The following CDH12 variants were observed in gnomAD, a reference collection of about 807,000 sequenced individuals.
CDH12 encodes cadherin 12, also known as cadherin-12.
A neutral mutation model predicts 74.1 loss-of-function variants in CDH12; 41 were observed. The ratio of observed to expected loss-of-function variants is 0.55; its 90% CI spans 0.43 to 0.72. CDH12 has a LOEUF of 0.72. Among genes scored for constraint, CDH12 ranks in the 30% least tolerant of loss-of-function variants. The pLI, the probability that CDH12 is intolerant of heterozygous loss-of-function variation, is 0.00. For synonymous variants in CDH12, 399 were observed against 355.0 expected, an observed-to-expected ratio of 1.12 and a Z score of -1.39; for missense variants, 945 against 977.2, an observed-to-expected ratio of 0.97 and a Z score of 0.44.
At chr5:22,482,135 A>C (rs920363435) in intron 2 of CDH12, among the ~76,000 whole-genome samples, 32 of 152,312 alleles carry the variant, frequency 2.1e-4, no homozygotes, top group African/African-American at 7.7e-4. Context: ...GAAAGAACCC[A>C]TGAACGTTAA....
intron 10 of CDH12, among the ~76,000 whole-genome samples, chr5:21,783,697 C>T (rs1746044103): frequency 6.6e-6 from 1 of 152,058 alleles, no homozygotes; most frequent in African/African-American, 2.4e-5. Context: ...ATTTAGTACT[C>T]CTGCTGTTCA....
At chr5:22,738,221 C>T (rs917116150) in intron 1 of CDH12, among the ~76,000 whole-genome samples, 3 of 151,964 alleles carry the variant, frequency 2.0e-5, no homozygotes, top group Admixed American at 6.6e-5. Flanking sequence ...GTGGAGCAGA[C>T]GTTACATTAT....
chr5:22,843,676 A>G (rs1737176748), intron 1 of CDH12, among the ~76,000 whole-genome samples: 1 of 151,456 alleles, frequency 6.6e-6, no homozygotes, highest in Non-Finnish European at 1.5e-5. Context: ...TAAACATGAA[A>G]TGTGAAGGCA....
chr5:22,673,110 C>T (rs1056466268), intron 1 of CDH12, among the ~76,000 whole-genome samples: 1 of 151,994 alleles, frequency 6.6e-6, no homozygotes, highest in Non-Finnish European at 1.5e-5. Flanking sequence ...ATTGTGATAC[C>T]TCCAGTCTTT....
At chr5:21,815,740 C>G (rs186014684) in intron 9 of CDH12, among the ~76,000 whole-genome samples, 2 of 152,262 alleles carry the variant, frequency 1.3e-5, no homozygotes, top group Non-Finnish European at 2.9e-5. Flanking sequence ...AGAGCTTACA[C>G]GCATCAGTAT....
chr5:21,872,790 CT>C (rs1751698117), intron 6 of CDH12, among the ~76,000 whole-genome samples: 2 of 103,908 alleles, frequency 1.9e-5, no homozygotes, highest in African/African-American at 9.3e-5. Flanking sequence ...TAAGATCTAT[CT>C]ATCTATCTAT....
chr5:21,898,325 G>A (rs1753219498), intron 6 of CDH12, among the ~76,000 whole-genome samples: 2 of 152,166 alleles, frequency 1.3e-5, no homozygotes. Context: ...CTGGTCTCAA[G>A]TGATTCCCCT....
rs570715936 is a variant in CDH12, at chr5:22,027,755, C to CA, written c.231+50690dup. On this transcript the variant is annotated intron_variant, in intron 5 of 14. Transcript: ENST00000382254. ...GGTCTATTAATTTTGTTGATCCTTT[C>CA]AAAAAACCAGCTCCTGGATTCGTTA... Among the ~76,000 whole-genome samples the CA allele has an allele frequency of 3.5e-3, 531 of 152,098 alleles. 1 individual carries two copies. Among genetic ancestry groups the CA allele is most frequent in the African/African-American group, 0.012 (516 of 41,484 alleles).
intron 3 of CDH12, among the ~76,000 whole-genome samples, chr5:22,273,852 T>C (rs1736510860): frequency 6.6e-6 from 1 of 152,118 alleles, no homozygotes; most frequent in Non-Finnish European, 1.5e-5. Context: ...ACTTAAAACG[T>C]GCAAAAACAG....
At chr5:21,984,618 T>G (rs1028253520) in intron 5 of CDH12, among the ~76,000 whole-genome samples, 1 of 152,154 alleles carries the variant, frequency 6.6e-6, no homozygotes, top group Non-Finnish European at 1.5e-5. Context: ...TGCCACTCCC[T>G]CCCATCAGAA....
chr5:22,749,286 A>G lies in CDH12; in HGVS notation c.-523+103772T>C, dbSNP rs2127031242. Reference sequence around the variant, plus strand: ...CTGTCTGAAGCGCAGGTGAGAAATGAGTCTGAAAGGGACATATGGTCCCAA... The same window carrying G: ...CTGTCTGAAGCGCAGGTGAGAAATGGGTCTGAAAGGGACATATGGTCCCAA... On this transcript the variant is annotated intron_variant, in intron 1 of 14. Coordinates refer to ENST00000382254, the MANE Select transcript of CDH12 (RefSeq NM_004061.5). Among the ~76,000 whole-genome samples the G allele has an allele frequency of 2.0e-5, 3 of 152,362 alleles. No homozygotes were observed. The South Asian group carries it at 6.2e-4, about 32-fold the overall frequency.
At chr5:21,951,219 C>A (rs1003771892) in intron 6 of CDH12, among the ~76,000 whole-genome samples, 6 of 152,006 alleles carry the variant, frequency 3.9e-5, no homozygotes, top group African/African-American at 1.4e-4. Flanking sequence ...GAAATAGCCA[C>A]AATCATTTCT....
chr5:22,849,066 C>A (rs1737433942), intron 1 of CDH12, among the ~76,000 whole-genome samples: 1 of 152,010 alleles, frequency 6.6e-6, no homozygotes, highest in Non-Finnish European at 1.5e-5. Context: ...AAACCCTGGA[C>A]ATTACATATT....
chr5:21,901,537 A>T (rs1753383733), intron 6 of CDH12, among the ~76,000 whole-genome samples: 1 of 152,136 alleles, frequency 6.6e-6, no homozygotes, highest in Non-Finnish European at 1.5e-5. Flanking sequence ...ATTTCCTTTT[A>T]TTTATGTCAC....
At chr5:22,841,342 G>T (rs1737071712) in intron 1 of CDH12, among the ~76,000 whole-genome samples, 1 of 152,122 alleles carries the variant, frequency 6.6e-6, no homozygotes, top group Admixed American at 6.6e-5. Context: ...TTGAGTAATT[G>T]GAAGGATGGA....
intron 10 of CDH12, among the ~76,000 whole-genome samples, chr5:21,788,469 G>A (rs1343950852): frequency 6.6e-6 from 1 of 152,030 alleles, no homozygotes; most frequent in Non-Finnish European, 1.5e-5. Context: ...GAGTGATTTA[G>A]GTCAAGGAAG....
At chr5:22,286,831 T>A (rs2920757) in intron 3 of CDH12, among the ~76,000 whole-genome samples, 64,411 of 151,978 alleles carry the variant, frequency 0.42, 14,605 homozygotes, top group Admixed American at 0.53. Context: ...TTAAGCAAAA[T>A]CATTGTTTAT....
intron 2 of CDH12, among the ~76,000 whole-genome samples, chr5:22,461,641 T>C (rs1447578259): frequency 6.6e-6 from 1 of 152,014 alleles, no homozygotes; most frequent in Non-Finnish European, 1.5e-5. Flanking sequence ...ATTCAATATA[T>C]AAATGACACA....
chr5:22,506,142 C>T (rs1258847259), intron 1 of CDH12, among the ~76,000 whole-genome samples: 1 of 152,092 alleles, frequency 6.6e-6, no homozygotes, highest in Non-Finnish European at 1.5e-5. Context: ...TATAAAGTTC[C>T]TTTTGTTCCT....
Sources: gnomAD v4.1 joint callset for allele counts (sites outside exome capture counted in the v4.1 genomes callset) on GRCh38, gnomAD v4.1.1 for gene constraint, MANE v1.5 for transcripts, NCBI Gene and HGNC (gene_info 2026-07-23, HGNC 2026-07-21) for gene names.